The following ATP8A2 variants were observed in gnomAD, a reference collection of about 807,000 sequenced individuals.
The protein encoded by ATP8A2 is phospholipid-transporting ATPase IB.
In ATP8A2, 100 loss-of-function variants were observed where a neutral mutation model predicts 165.6. The observed-to-expected ratio is 0.60, with a 90% confidence interval of 0.51 to 0.71. The LOEUF (loss-of-function observed/expected upper bound fraction) is 0.71. Ranked by LOEUF, ATP8A2 falls within the 30% of genes least tolerant of loss-of-function variation. The probability of loss-of-function intolerance (pLI) is 0.00; values close to 1 mark genes in which losing one functional copy is unlikely to be tolerated. For missense variants in ATP8A2, 1,227 were observed against 1,479.5 expected, an observed-to-expected ratio of 0.83 and a Z score of 2.80; for synonymous variants, 543 against 548.8, an observed-to-expected ratio of 0.99 and a Z score of 0.15.
chr13:25,565,692 T>C (rs531442608), intron 16 of ATP8A2, among the ~76,000 whole-genome samples: 1 of 152,248 alleles, frequency 6.6e-6, no homozygotes, highest in Non-Finnish European at 1.5e-5. Context: ...CTGTTTACTC[T>C]GCTGACTGTT....
intron 33 of ATP8A2, among the ~76,000 whole-genome samples, chr13:25,877,806 A>G (rs1952857230): frequency 6.6e-6 from 1 of 152,200 alleles, no homozygotes; most frequent in Non-Finnish European, 1.5e-5. Context: ...TAAGCCCCCA[A>G]GCCCTTCAGA....
intron 1 of ATP8A2, among the ~76,000 whole-genome samples, chr13:25,393,413 CT>C (rs1344078598): frequency 2.6e-5 from 4 of 151,804 alleles, no homozygotes; most frequent in East Asian, 1.9e-4. Flanking sequence ...TATTTACATA[CT>C]TTTTTTATTG....
Position 26,002,946 on chromosome 13 carries a change from A to G in ATP8A2, c.3378-9585A>G, listed in dbSNP as rs906050239. Reference sequence around the variant, plus strand: ...CATTCATTGATGGACACCTAGGTTGATTTCCTATCATGGCTATTATGAATA... The same window carrying G: ...CATTCATTGATGGACACCTAGGTTGGTTTCCTATCATGGCTATTATGAATA... On this transcript the variant is annotated intron_variant, in intron 35 of 36. Coordinates refer to ENST00000381655, the MANE Select transcript of ATP8A2 (RefSeq NM_016529.6). Among the ~76,000 whole-genome samples the G allele has an allele frequency of 8.8e-4, 130 of 148,520 alleles. 2 individuals carry two copies. Among genetic ancestry groups the G allele is most frequent in the African/African-American group, 3.1e-3 (126 of 40,132 alleles).
intron 27 of ATP8A2, among the ~76,000 whole-genome samples, chr13:25,779,414 G>A (rs997854068): frequency 1.3e-5 from 2 of 151,806 alleles, no homozygotes; most frequent in African/African-American, 2.4e-5. Flanking sequence ...GTGGGGCAGG[G>A]GGGCGGTGTG....
intron 24 of ATP8A2, among the ~76,000 whole-genome samples, chr13:25,676,557 C>G (rs1030085010): frequency 1.3e-5 from 2 of 152,164 alleles, no homozygotes; most frequent in Non-Finnish European, 2.9e-5. Context: ...CCCCACACTA[C>G]CCAACCAGCT....
chr13:25,449,024 C>CA (rs1039374549), intron 1 of ATP8A2, among the ~76,000 whole-genome samples: 6 of 151,488 alleles, frequency 4.0e-5, no homozygotes, highest in African/African-American at 9.7e-5. Context: ...ACAATACTGC[C>CA]AAAAAAAATC....
At chr13:25,439,603 A>G (rs550188402) in intron 1 of ATP8A2, among the ~76,000 whole-genome samples, 1 of 152,254 alleles carries the variant, frequency 6.6e-6, no homozygotes, top group African/African-American at 2.4e-5. Context: ...GGACTTATAT[A>G]TGTTTTCTAT....
At chr13:25,530,124 G>A in intron 3 of ATP8A2, 26 bp downstream of exon 3, 2 of 1,372,000 alleles carry the variant, frequency 1.5e-6, no homozygotes, top group Non-Finnish European at 2.1e-6. Context: ...CAGTTCCTTG[G>A]AATTCACTTA....
chr13:25,699,263 AC>A lies in ATP8A2; in HGVS notation c.2305del (p.Leu769Ter). The A allele has an allele frequency of 6.2e-7, 1 of 1,613,870 alleles. No homozygotes were observed. Among genetic ancestry groups the A allele is most frequent in the Non-Finnish European group, 8.5e-7 (1 of 1,179,812 alleles). ...NDVALIIDGH[T>X]LKYALSFEVR... ...CGTGGCCCTGATCATCGATGGCCAC[AC>A]CCTGAAGTACGCGCTCTCCTTCGAA... On this transcript the variant is annotated frameshift_variant, in exon 25 of 37. Transcript: ENST00000381655. LOFTEE classifies it high-confidence loss of function.
intron 24 of ATP8A2, among the ~76,000 whole-genome samples, chr13:25,647,295 A>C (rs1184755132): frequency 6.6e-6 from 1 of 152,196 alleles, no homozygotes; most frequent in Non-Finnish European, 1.5e-5. Context: ...AATGATGATA[A>C]ACTTCCTTAG....
chr13:25,602,546 C>T (rs780299263), intron 24 of ATP8A2, among the ~76,000 whole-genome samples: 2 of 152,180 alleles, frequency 1.3e-5, no homozygotes, highest in African/African-American at 2.4e-5. Flanking sequence ...TGTATGATCA[C>T]CCTGTATCTG....
At chr13:25,975,901 C>T (rs1956024977) in intron 35 of ATP8A2, among the ~76,000 whole-genome samples, 1 of 152,158 alleles carries the variant, frequency 6.6e-6, no homozygotes, top group African/African-American at 2.4e-5. Context: ...ATGATCACAT[C>T]TAACAAGTTA....
rs148540117 is a variant in ATP8A2 at position 25,426,664 on chromosome 13, C to T, written c.77-42313C>T. Reference sequence around the variant, plus strand: ...ACTTTAGTTAATAATGTATCAGGGCCGGGCACGGTGGCTCATGCCTGTAAT... The same window carrying T: ...ACTTTAGTTAATAATGTATCAGGGCTGGGCACGGTGGCTCATGCCTGTAAT... On this transcript the variant is annotated intron_variant, in intron 1 of 36. Transcript: ENST00000381655. Among the ~76,000 whole-genome samples, 913 of 152,170 alleles carry T rather than the reference C, an allele frequency of 6.0e-3. 7 individuals are homozygous for T. Among genetic ancestry groups the T allele is most frequent in the African/African-American group, 0.013 (552 of 41,524 alleles).
chr13:25,571,568 T>A, intron 17 of ATP8A2, 42 bp from the exon 18 acceptor site: 1 of 1,451,156 alleles, frequency 6.9e-7, no homozygotes, highest in Middle Eastern at 2.3e-4. Flanking sequence ...ATTCTGTCAC[T>A]ACCAGTGATA....
chr13:25,938,451 C>T (rs1333538318), intron 33 of ATP8A2, among the ~76,000 whole-genome samples: 1 of 152,174 alleles, frequency 6.6e-6, no homozygotes, highest in African/African-American at 2.4e-5. Flanking sequence ...GTTATGGATC[C>T]CGCAGTAACT....
In ATP8A2 at chr13:25,487,651, T is replaced by C. The variant is rs139749939; in HGVS notation, c.221+18530T>C. The stretch of plus-strand genomic sequence containing the variant: ...ACAAAAAAAACCAGGTATTGTCTTG[T>C]ATTAGTAGAGATTAAAAGGTAAGGT... On this transcript the variant is annotated intron_variant, in intron 2 of 36. Coordinates refer to ENST00000381655, the MANE Select transcript of ATP8A2 (RefSeq NM_016529.6). Among the ~76,000 whole-genome samples the C allele has an allele frequency of 5.4e-3, 818 of 152,304 alleles. 7 individuals carry two copies. Among genetic ancestry groups the C allele is most frequent in the African/African-American group, 0.019 (795 of 41,550 alleles).
chr13:25,958,448 A>G lies in ATP8A2; in HGVS notation c.3184-3127A>G, dbSNP rs374143137. Among the ~76,000 whole-genome samples the G allele has an allele frequency of 6.6e-5, 10 of 152,272 alleles. No individual in the cohort carries two copies. In the South Asian group the frequency reaches 2.1e-3, roughly 32 times the overall value. ...GCAGGTGCATGGGTGTCCCTTGTTA[A>G]TGCGCCTAGTCTGACCCAGGGCAGT... On this transcript the variant is annotated intron_variant, in intron 33 of 36. Transcript: ENST00000381655.
intron 26 of ATP8A2, 33 bp from the exon 27 acceptor site, chr13:25,774,816 G>A (rs1315649407): frequency 8.1e-7 from 1 of 1,242,116 alleles, no homozygotes; most frequent in Non-Finnish European, 1.2e-6. Flanking sequence ...TCAATGATGG[G>A]CTCTTCTGAG....
At chr13:25,375,447 G>C (rs2032584378) in intron 1 of ATP8A2, among the ~76,000 whole-genome samples, 3 of 152,130 alleles carry the variant, frequency 2.0e-5, no homozygotes, top group Non-Finnish European at 1.5e-5. Context: ...GAAGGAAGTT[G>C]TTTTCTATGG....
Sources: gnomAD v4.1 joint callset for allele counts (sites outside exome capture counted in the v4.1 genomes callset) on GRCh38, gnomAD v4.1.1 for gene constraint, MANE v1.5 for transcripts, NCBI Gene and HGNC (gene_info 2026-07-23, HGNC 2026-07-21) for gene names.